TTC27: variants seen among roughly 807,000 people sequenced by gnomAD.
TTC27 encodes tetratricopeptide repeat domain 27.
Under a neutral mutation model 115.9 loss-of-function variants are expected in TTC27, and 79 were observed. That is an observed-to-expected ratio of 0.68 (90% CI 0.57 to 0.82). TTC27 has a LOEUF of 0.82. TTC27 is among the 40% of genes least tolerant of loss of function. The pLI, the probability that TTC27 is intolerant of heterozygous loss-of-function variation, is 0.00. For synonymous variants in TTC27, 401 were observed against 356.0 expected (o/e 1.13, Z -1.42); for missense variants, 1,054 against 993.1 (o/e 1.06, Z -0.82).
chr2:32,637,243 A>C (rs1194141627), intron 3 of TTC27, among the ~76,000 whole-genome samples: 1 of 152,120 alleles, frequency 6.6e-6, no homozygotes, highest in Non-Finnish European at 1.5e-5. Context: ...TTAGGGATTC[A>C]TGTAGAAGAT....
intron 9 of TTC27, among the ~76,000 whole-genome samples, chr2:32,692,036 G>GTTTTTTTTTTTGTTTTTTTTTTT (rs1666831349): frequency 1.6e-5 from 1 of 61,188 alleles, no homozygotes; most frequent in Non-Finnish European, 2.9e-5. Flanking sequence ...AATTTTTTAG[G>GTTTTTTTTTTTGTTTTTTTTTTT]TTTTTTTTTT....
At chr2:32,653,540 G>A (rs1020788986) in intron 5 of TTC27, among the ~76,000 whole-genome samples, 2 of 149,414 alleles carry the variant, frequency 1.3e-5, no homozygotes, top group Non-Finnish European at 3.0e-5. Context: ...GTTACAGTGA[G>A]CCGAGATTAC....
At chr2:32,754,188 G>A (rs987239939) in intron 12 of TTC27, among the ~76,000 whole-genome samples, 3 of 145,500 alleles carry the variant, frequency 2.1e-5, no homozygotes, top group Admixed American at 6.9e-5. Context: ...GGTGTTTCTC[G>A]CAGAGGGGGA....
intron 9 of TTC27, among the ~76,000 whole-genome samples, chr2:32,696,938 C>T (rs1233129033): frequency 6.6e-6 from 1 of 152,186 alleles, no homozygotes; most frequent in Non-Finnish European, 1.5e-5. Context: ...GTGGCTCACA[C>T]CTGTAATCCT....
chr2:32,645,043 T>G (rs915803946), intron 4 of TTC27, among the ~76,000 whole-genome samples: 10 of 152,048 alleles, frequency 6.6e-5, no homozygotes, highest in African/African-American at 2.4e-4. Flanking sequence ...ATTTGATGAA[T>G]TAAGATAAAA....
Position 32,804,237 on chromosome 2 carries a change from C to A in TTC27, c.1999-6787C>A, listed in dbSNP as rs1313724474. Among the ~76,000 whole-genome samples the A allele has an allele frequency of 2.6e-5, 4 of 152,158 alleles. No individual in the cohort carries two copies. The East Asian group carries it at 7.7e-4, about 29-fold the overall frequency. The stretch of plus-strand genomic sequence containing the variant: ...TATGCAATTAAATGACATTTTCATA[C>A]ACAGTACTATTCATTGGCACCTAAT... On this transcript the variant is annotated intron_variant, in intron 16 of 19. Transcript: ENST00000317907.
At chr2:32,800,922 T>C (rs113770799) in intron 16 of TTC27, among the ~76,000 whole-genome samples, 1,633 of 152,230 alleles carry the variant, frequency 0.011, 36 homozygotes, top group African/African-American at 0.037. Context: ...AAAAAAACAT[T>C]TTTTACCATG....
intron 5 of TTC27, among the ~76,000 whole-genome samples, chr2:32,651,302 G>A (rs966616409): frequency 1.2e-4 from 18 of 152,272 alleles, no homozygotes; most frequent in African/African-American, 4.3e-4. Flanking sequence ...TCATGTGTGT[G>A]CATGTATAAT....
At chr2:32,770,500 T>C (rs1236404364) in intron 13 of TTC27, among the ~76,000 whole-genome samples, 1 of 152,232 alleles carries the variant, frequency 6.6e-6, no homozygotes, top group Admixed American at 6.5e-5. Context: ...AAGCCCTGAA[T>C]ACCAGTCTGT....
At chr2:32,695,591 T>C (rs6543664) in intron 9 of TTC27, among the ~76,000 whole-genome samples, 125,121 of 151,682 alleles carry the variant, frequency 0.82, 51,649 homozygotes, top group Middle Eastern at 0.92. Context: ...TGGTGGTGCG[T>C]GCCTGCAGTC....
chr2:32,783,063 C>A (rs1389122088), intron 15 of TTC27, among the ~76,000 whole-genome samples: 1 of 152,014 alleles, frequency 6.6e-6, no homozygotes, highest in Non-Finnish European at 1.5e-5. Context: ...TAAATATGAA[C>A]CAATGTCTTC....
At position 32,745,184 on chromosome 2, in the gene TTC27, A is replaced by C. The variant is rs80140018; in HGVS notation, c.1452+8368A>C. Among the ~76,000 whole-genome samples the C allele has an allele frequency of 3.9e-4, 60 of 152,234 alleles. 3 individuals carry two copies. In the East Asian group the frequency reaches 0.011, roughly 28 times the overall value. ...GTTAAAACTATTTTGGTTGTAAAAT[A>C]ATTAACACATACTAGCTTAGGCAAA... On this transcript the variant is annotated intron_variant, in intron 12 of 19. Coordinates refer to ENST00000317907, the MANE Select transcript of TTC27 (RefSeq NM_017735.5).
At chr2:32,731,408 T>C (rs1668287845) in intron 10 of TTC27, among the ~76,000 whole-genome samples, 1 of 152,188 alleles carries the variant, frequency 6.6e-6, no homozygotes, top group Non-Finnish European at 1.5e-5. Flanking sequence ...CAGGGCTTGC[T>C]CTGTCACCCA....
At chr2:32,684,389 G>C (rs1214882327) in intron 9 of TTC27, among the ~76,000 whole-genome samples, 2 of 151,506 alleles carry the variant, frequency 1.3e-5, no homozygotes, top group Non-Finnish European at 2.9e-5. Flanking sequence ...AAACATACGT[G>C]TGCATGTGTC....
chr2:32,782,095 C>G (rs951521745), intron 14 of TTC27, among the ~76,000 whole-genome samples: 2 of 151,976 alleles, frequency 1.3e-5, no homozygotes, highest in African/African-American at 4.8e-5. Flanking sequence ...ATAAATTTAA[C>G]CTGATTAAGC....
chr2:32,708,304 G>GT (rs1158508588), intron 10 of TTC27, among the ~76,000 whole-genome samples: 12,732 of 61,390 alleles, frequency 0.21, 2,766 homozygotes, highest in Middle Eastern at 0.24. Flanking sequence ...TCTCTACCTT[G>GT]TTTTTTTTTT....
At chr2:32,739,419 GA>G (rs1364812649) in intron 12 of TTC27, among the ~76,000 whole-genome samples, 1 of 152,112 alleles carries the variant, frequency 6.6e-6, no homozygotes, top group Non-Finnish European at 1.5e-5. Flanking sequence ...AAAACATAAT[GA>G]ATCCATCCCC....
At chr2:32,733,179 T>C (rs577741874) in intron 10 of TTC27, among the ~76,000 whole-genome samples, 75 of 152,352 alleles carry the variant, frequency 4.9e-4, no homozygotes, top group African/African-American at 1.7e-3. Flanking sequence ...GTCAGCTATT[T>C]TGGTCTTGTT....
At chr2:32,668,268 G>C (rs1328956949) in intron 7 of TTC27, among the ~76,000 whole-genome samples, 1 of 151,794 alleles carries the variant, frequency 6.6e-6, no homozygotes, top group Non-Finnish European at 1.5e-5. Flanking sequence ...TACTTGGGAG[G>C]TTGAGGCAGG....
Sources: allele counts gnomAD v4.1 joint callset (sites outside exome capture counted in the v4.1 genomes callset), GRCh38; gene constraint gnomAD v4.1.1; transcripts MANE v1.5; gene names NCBI Gene and HGNC (gene_info 2026-07-23, HGNC 2026-07-21).